The following MECOM variants were observed in gnomAD, a reference collection of about 807,000 sequenced individuals.
The protein encoded by MECOM is MDS1 and EVI1 complex locus.
A neutral mutation model predicts 116.3 loss-of-function variants in MECOM; 13 were observed. The observed-to-expected ratio is 0.11, with a 90% CI of 0.07 to 0.18. The LOEUF (loss-of-function observed/expected upper bound fraction) is 0.18. Ranked by LOEUF, MECOM falls within the 10% of genes least tolerant of loss-of-function variation. The probability of loss-of-function intolerance (pLI) is 1.00; values close to 1 mark genes in which losing one functional copy is unlikely to be tolerated. For missense variants in MECOM, 1,299 were observed against 1,509.0 expected (o/e 0.86, Z 2.31); for synonymous variants, 528 against 535.2 (o/e 0.99, Z 0.19).
intron 1 of MECOM, among the ~76,000 whole-genome samples, chr3:169,607,038 C>T (rs950478959): frequency 2.0e-5 from 3 of 152,110 alleles, no homozygotes; most frequent in East Asian, 1.9e-4. Context: ...GGAGTCTCCG[C>T]CATTTTAACC....
intron 2 of MECOM, among the ~76,000 whole-genome samples, chr3:169,185,144 C>T (rs1016441981): frequency 2.0e-5 from 3 of 151,996 alleles, no homozygotes; most frequent in Non-Finnish European, 1.5e-5. Context: ...TTAGAGCCTA[C>T]GATAATGATT....
intron 4 of MECOM, 99 bp from the exon 5 acceptor site, chr3:169,128,159 T>C: frequency 1.0e-6 from 1 of 968,606 alleles, no homozygotes; most frequent in South Asian, 1.4e-5. Context: ...AGGTATTATT[T>C]GATTGTCATT....
intron 1 of MECOM, among the ~76,000 whole-genome samples, chr3:169,508,038 G>T (rs1755510406): frequency 6.6e-6 from 1 of 152,064 alleles, no homozygotes; most frequent in Non-Finnish European, 1.5e-5. Context: ...ATGGAGAAAA[G>T]AACTCTTTTA....
At chr3:169,313,186 G>A (rs1259104916) in intron 2 of MECOM, among the ~76,000 whole-genome samples, 1 of 152,230 alleles carries the variant, frequency 6.6e-6, no homozygotes, top group Non-Finnish European at 1.5e-5. Flanking sequence ...AGTATAGAAT[G>A]AGGCCTGAGG....
At position 169,659,440 on chromosome 3, in the gene MECOM, ATTTTTTTTTT is replaced by A. The variant is rs56270349; in HGVS notation, c.37+3886_37+3895del. ...GTAATTAACCTTCCCCTAAACACAG[ATTTTTTTTTT>A]TTTTTTTTTTTTTTTTTTTTTTTGC... On this transcript the variant is annotated intron_variant, in intron 1 of 16. Coordinates refer to ENST00000651503, the MANE Select transcript of MECOM (RefSeq NM_004991.4). 3.6e-3 allele frequency among the ~76,000 whole-genome samples: 224 copies of A among 62,154 alleles called. 1 individual carries two copies. The highest frequency in any genetic ancestry group is 0.013 in the African/African-American group (212 of 16,274). 40.8% of individuals were successfully genotyped at this position (62,154 alleles called of 152,430 possible).
chr3:169,562,044 G>C (rs1429830844), intron 1 of MECOM, among the ~76,000 whole-genome samples: 1 of 150,160 alleles, frequency 6.7e-6, no homozygotes, highest in Non-Finnish European at 1.5e-5. Context: ...TACTTGGGAG[G>C]CTGAGGCAGG....
chr3:169,580,605 GATATCT>G (rs1263589803), intron 1 of MECOM, among the ~76,000 whole-genome samples: 1 of 152,162 alleles, frequency 6.6e-6, no homozygotes, highest in Non-Finnish European at 1.5e-5. Flanking sequence ...GCTTTTGTGT[GATATCT>G]ATTTTCCTGA....
chr3:169,485,184 G>A (rs897561916), intron 1 of MECOM, among the ~76,000 whole-genome samples: 14 of 151,956 alleles, frequency 9.2e-5, no homozygotes, highest in Non-Finnish European at 1.9e-4. Context: ...GAGTAGAGAC[G>A]GGGTTTCGCT....
intron 1 of MECOM, among the ~76,000 whole-genome samples, chr3:169,645,991 C>T (rs1014123463): frequency 2.6e-5 from 4 of 152,122 alleles, no homozygotes; most frequent in African/African-American, 9.7e-5. Flanking sequence ...CTTCTCTTAA[C>T]TTGTCCACTG....
intron 1 of MECOM, among the ~76,000 whole-genome samples, chr3:169,426,576 C>T (rs962116763): frequency 3.9e-5 from 6 of 152,148 alleles, no homozygotes; most frequent in Non-Finnish European, 8.8e-5. Context: ...GTGTTTTTCA[C>T]CTTTTGAAAT....
At chr3:169,506,762 T>C (rs1003912116) in intron 1 of MECOM, among the ~76,000 whole-genome samples, 5 of 152,170 alleles carry the variant, frequency 3.3e-5, no homozygotes, top group African/African-American at 1.2e-4. Context: ...GGTGAGGAGG[T>C]AGTCCCTGGA....
intron 2 of MECOM, among the ~76,000 whole-genome samples, chr3:169,339,619 G>C (rs1405773729): frequency 1.3e-5 from 2 of 152,108 alleles, no homozygotes; most frequent in African/African-American, 2.4e-5. Flanking sequence ...TACTGCGACA[G>C]AAACTGCATT....
intron 8 of MECOM, 55 bp from the exon 9 acceptor site, chr3:169,112,929 A>G: frequency 1.6e-6 from 2 of 1,221,566 alleles, no homozygotes; most frequent in Admixed American, 3.6e-5. Flanking sequence ...ATCAATCACT[A>G]CATAATCACT....
intron 6 of MECOM, among the ~76,000 whole-genome samples, chr3:169,122,150 T>A (rs1731241729): frequency 6.6e-6 from 1 of 152,158 alleles, no homozygotes; most frequent in Non-Finnish European, 1.5e-5. Flanking sequence ...GTTGGAAAAA[T>A]CTGCAAATAT....
intron 1 of MECOM, among the ~76,000 whole-genome samples, chr3:169,662,158 G>A (rs1012374066): frequency 2.0e-5 from 3 of 152,214 alleles, no homozygotes; most frequent in Non-Finnish European, 4.4e-5. Flanking sequence ...CTGTAAGAGT[G>A]GGGGATGGGA....
At chr3:169,576,652 G>A (rs1300715130) in intron 1 of MECOM, among the ~76,000 whole-genome samples, 1 of 152,022 alleles carries the variant, frequency 6.6e-6, no homozygotes, top group Non-Finnish European at 1.5e-5. Flanking sequence ...CATATACTCT[G>A]TACCAAGCAC....
chr3:169,147,715 G>GGTGTGT lies in MECOM; in HGVS notation c.376-3889_376-3884dup, dbSNP rs10659980. ...TTCGATGTCTTGAAAGCACAAGTGT[G>GGTGTGT]GTGTGTGTGTGTGTGTGTGCGCGCG... On this transcript the variant is annotated intron_variant, in intron 2 of 16. Coordinates refer to ENST00000651503, the MANE Select transcript of MECOM (RefSeq NM_004991.4). 103 of 953,894 alleles carry GGTGTGT rather than the reference G, an allele frequency of 1.1e-4. 1 individual carries two copies. In the African/African-American group the frequency reaches 1.5e-3, roughly 14 times the overall value. The allele number at this position is 953,894 out of a possible 1,614,324, so 59.1% of individuals were successfully genotyped here.
chr3:169,265,199 T>C (rs1213617787), intron 2 of MECOM, among the ~76,000 whole-genome samples: 1 of 152,178 alleles, frequency 6.6e-6, no homozygotes, highest in African/African-American at 2.4e-5. Flanking sequence ...CAGTGAGTAA[T>C]TACTAAGGAT....
intron 2 of MECOM, among the ~76,000 whole-genome samples, chr3:169,331,426 A>C (rs1401262570): frequency 6.6e-6 from 1 of 152,146 alleles, no homozygotes; most frequent in Non-Finnish European, 1.5e-5. Flanking sequence ...TGTAATACAC[A>C]ACAGCCATAA....
Sources: gnomAD v4.1 joint callset for allele counts (sites outside exome capture counted in the v4.1 genomes callset) on GRCh38, gnomAD v4.1.1 for gene constraint, MANE v1.5 for transcripts, NCBI Gene and HGNC (gene_info 2026-07-23, HGNC 2026-07-21) for gene names.